Variants in PTPRD observed in about 807,000 individuals in gnomAD.
The protein encoded by PTPRD is receptor-type tyrosine-protein phosphatase delta.
A neutral mutation model predicts 214.5 loss-of-function variants in PTPRD; 34 were observed. That is an observed-to-expected ratio of 0.16 (90% CI 0.12 to 0.21). The LOEUF (loss-of-function observed/expected upper bound fraction) is 0.21. PTPRD is among the 10% of genes least tolerant of loss of function. PTPRD has a pLI of 1.00. For missense variants in PTPRD, 2,545 were observed against 2,398.7 expected (o/e 1.06, Z -1.27); for synonymous variants, 1,128 against 845.7 (o/e 1.33, Z -5.79).
At chr9:10,135,227 T>G (rs77688420) in intron 3 of PTPRD, among the ~76,000 whole-genome samples, 3,124 of 152,210 alleles carry the variant, frequency 0.021, 100 homozygotes, top group African/African-American at 0.07. Context: ...TACAGGATTA[T>G]GTATAGAAAT....
At chr9:8,842,664 G>A (rs2097581717) in intron 11 of PTPRD, among the ~76,000 whole-genome samples, 1 of 152,148 alleles carries the variant, frequency 6.6e-6, no homozygotes. Flanking sequence ...GAGTCTGGAA[G>A]TCACTCATCT....
intron 6 of PTPRD, among the ~76,000 whole-genome samples, chr9:9,745,998 CA>C (rs2154459865): frequency 6.6e-6 from 1 of 152,142 alleles, no homozygotes; most frequent in East Asian, 1.9e-4. Flanking sequence ...AAAAAGAACT[CA>C]ATTAACTTTG....
At chr9:9,228,040 A>T (rs1343725592) in intron 9 of PTPRD, among the ~76,000 whole-genome samples, 1 of 152,166 alleles carries the variant, frequency 6.6e-6, no homozygotes, top group African/African-American at 2.4e-5. Flanking sequence ...GGCTGTCTAT[A>T]TCATGTCAGT....
chr9:9,104,571 G>A (rs982730777), intron 10 of PTPRD, among the ~76,000 whole-genome samples: 2 of 152,186 alleles, frequency 1.3e-5, no homozygotes, highest in Non-Finnish European at 2.9e-5. Flanking sequence ...TTCACTGAAT[G>A]CCAGTGCTGT....
intron 11 of PTPRD, among the ~76,000 whole-genome samples, chr9:8,981,340 T>A (rs2099311669): frequency 6.6e-6 from 1 of 152,058 alleles, no homozygotes; most frequent in South Asian, 2.1e-4. Flanking sequence ...AAATAAAGGA[T>A]TGTTAATATG....
intron 11 of PTPRD, among the ~76,000 whole-genome samples, chr9:8,833,164 G>A (rs2097334177): frequency 1.3e-5 from 2 of 152,178 alleles, no homozygotes; most frequent in East Asian, 3.9e-4. Context: ...AGGTTGAGCT[G>A]GGAAGTTTAC....
At chr9:8,956,998 G>C (rs930002288) in intron 11 of PTPRD, among the ~76,000 whole-genome samples, 3 of 151,836 alleles carry the variant, frequency 2.0e-5, no homozygotes, top group African/African-American at 7.2e-5. Flanking sequence ...GTTAATGGCA[G>C]TAAGGATAAC....
intron 2 of PTPRD, among the ~76,000 whole-genome samples, chr9:10,548,500 C>T (rs1433872495): frequency 6.6e-5 from 10 of 152,288 alleles, no homozygotes; most frequent in African/African-American, 2.4e-4. Flanking sequence ...CCAATGAGGG[C>T]TCAGCTGTTC....
Position 8,528,766 on chromosome 9 carries a change from G to A in PTPRD, c.366C>T (p.Pro122=), listed in dbSNP as rs2074905243. 6.2e-7 allele frequency: 1 copy of A among 1,613,200 alleles called. No individual in the cohort carries two copies. Among genetic ancestry groups the A allele is most frequent in the Non-Finnish European group, 8.5e-7 (1 of 1,179,524 alleles). ...CCATGTCAATGGTAGGGAAGCCCCTGGGAATTTGATCTTCTGCAAGACAAA... is the reference window on the plus strand; with the variant it reads ...CCATGTCAATGGTAGGGAAGCCCCTAGGAATTTGATCTTCTGCAAGACAAA... ...RLTVLREDQI[P]RGFPTIDMGP... The change falls in exon 15 of 46, where the codon CCC becomes CCT. Residue 122 remains proline, a synonymous_variant. Transcript: ENST00000381196.
At chr9:8,332,584 G>GTGAT (rs1414409849) in intron 43 of PTPRD, among the ~76,000 whole-genome samples, 2 of 152,156 alleles carry the variant, frequency 1.3e-5, no homozygotes, top group African/African-American at 2.4e-5. Context: ...CTTTTTTAGA[G>GTGAT]TGATTAGGTA....
At chr9:10,119,798 T>G (rs2098760580) in intron 3 of PTPRD, among the ~76,000 whole-genome samples, 1 of 152,048 alleles carries the variant, frequency 6.6e-6, no homozygotes, top group Admixed American at 6.6e-5. Flanking sequence ...TTACTATTAG[T>G]TATCTACAAT....
intron 3 of PTPRD, among the ~76,000 whole-genome samples, chr9:10,296,592 T>A (rs1041396921): frequency 6.6e-6 from 1 of 152,086 alleles, no homozygotes; most frequent in African/African-American, 2.4e-5. Flanking sequence ...CCTTCTTTCT[T>A]GTCAATACTC....
chr9:8,613,110 G>A (rs1203433822), intron 14 of PTPRD, among the ~76,000 whole-genome samples: 1 of 152,116 alleles, frequency 6.6e-6, no homozygotes, highest in African/African-American at 2.4e-5. Context: ...TATTTGGTGT[G>A]CGTGCTGGGC....
At chr9:10,043,901 A>T (rs997033821) in intron 3 of PTPRD, among the ~76,000 whole-genome samples, 2 of 151,864 alleles carry the variant, frequency 1.3e-5, no homozygotes, top group Non-Finnish European at 2.9e-5. Flanking sequence ...TTTTGATCAT[A>T]AGCTGTGAGA....
chr9:10,010,094 A>G (rs1166970856), intron 4 of PTPRD, among the ~76,000 whole-genome samples: 1 of 151,904 alleles, frequency 6.6e-6, no homozygotes, highest in East Asian at 1.9e-4. Flanking sequence ...TTTAATCTTT[A>G]GAACAATCTA....
At chr9:9,877,223 C>T (rs1435170542) in intron 5 of PTPRD, among the ~76,000 whole-genome samples, 11 of 152,086 alleles carry the variant, frequency 7.2e-5, no homozygotes, top group African/African-American at 2.7e-4. Context: ...ACTGGTAATG[C>T]AGGTAATTCT....
At position 9,421,347 on chromosome 9, in the gene PTPRD, T is replaced by TA. The variant is rs796378285; in HGVS notation, c.-236-23866dup. 7.3e-4 allele frequency among the ~76,000 whole-genome samples: 111 copies of TA among 151,404 alleles called. 1 individual carries two copies. The highest frequency in any genetic ancestry group is 2.5e-3 in the African/African-American group (102 of 41,324). On this transcript the variant is annotated intron_variant, in intron 8 of 45. Transcript: ENST00000381196. Reference sequence around the variant, plus strand: ...ACAGGAAATATGCACGTCAAAATAATAAAAAAATTAAATATATAATTCCAA... The same window carrying TA: ...ACAGGAAATATGCACGTCAAAATAATAAAAAAAATTAAATATATAATTCCAA...
intron 4 of PTPRD, among the ~76,000 whole-genome samples, chr9:9,972,707 G>T (rs1407018578): frequency 1.3e-5 from 2 of 152,054 alleles, no homozygotes; most frequent in African/African-American, 4.8e-5. Flanking sequence ...GGTCCTGAGG[G>T]GACAGTCCAT....
intron 4 of PTPRD, among the ~76,000 whole-genome samples, chr9:10,008,314 C>T (rs1451098975): frequency 6.6e-6 from 1 of 151,886 alleles, no homozygotes; most frequent in Non-Finnish European, 1.5e-5. Flanking sequence ...AATTCCCCTC[C>T]CTTTTTGTGT....
Sources: allele counts gnomAD v4.1 joint callset (sites outside exome capture counted in the v4.1 genomes callset), GRCh38; gene constraint gnomAD v4.1.1; transcripts MANE v1.5; gene names NCBI Gene and HGNC (gene_info 2026-07-23, HGNC 2026-07-21).